The following SRCIN1 variants were observed in gnomAD, a reference collection of about 807,000 sequenced individuals.
The protein encoded by SRCIN1 is SRC kinase signaling inhibitor 1.
Under a neutral mutation model 116.2 loss-of-function variants are expected in SRCIN1, and 50 were observed. That is an observed-to-expected ratio of 0.43 (90% confidence interval 0.34 to 0.54). SRCIN1 has a LOEUF of 0.54. Ranked by LOEUF, SRCIN1 falls within the 20% of genes least tolerant of loss-of-function variation. The probability of loss-of-function intolerance (pLI) is 0.02; values close to 1 mark genes in which losing one functional copy is unlikely to be tolerated. For missense variants in SRCIN1, 1,446 were observed against 1,672.0 expected, an observed-to-expected ratio of 0.86 and a Z score of 2.36; for synonymous variants, 736 against 750.0, an observed-to-expected ratio of 0.98 and a Z score of 0.30.
In SRCIN1 at chr17:38,605,699, T is replaced by C; in HGVS notation, c.7A>G (p.Asn3Asp). The C allele has an allele frequency of 4.5e-6, 5 of 1,122,910 alleles. No individual in the cohort carries two copies. Among genetic ancestry groups the C allele is most frequent in the African/African-American group, 1.7e-5 (1 of 59,320 alleles). 69.6% of individuals were successfully genotyped at this position (1,122,910 alleles called of 1,614,324 possible). A position where few individuals can be genotyped will look rare whatever the true frequency, so the allele number is the denominator to read the frequency against. Residue 3 changes from asparagine (N) to aspartate (D), a missense_variant, in exon 1 of 19, where the codon AAC becomes GAC. Asn to Asp is a conservative substitution (Grantham distance 23, BLOSUM62 1). This residue lies in a region of SRCIN1 where 246 missense variants were observed against 265.1 expected (regional missense o/e 0.93). Transcript: ENST00000617146. MGNAPSQDPERSS... is the reference protein window; with the variant it reads MGDAPSQDPERSS... ...AGGGACATGCCTTGGGACGGAGCGT[T>C]CCCCATCGGGCGGGGGCGCGGGGGG...
intron 18 of SRCIN1, among the ~76,000 whole-genome samples, chr17:38,537,495 A>AAAT: frequency 6.6e-6 from 1 of 151,546 alleles, no homozygotes; most frequent in South Asian, 2.1e-4. Context: ...CCTATCTCAA[A>AAAT]AATAATAATA....
chr17:38,602,637 G>T lies in SRCIN1; in HGVS notation c.22+3047C>A, dbSNP rs1221874072. 6.6e-6 allele frequency: 1 copy of T among 152,250 alleles called. No individual in the cohort carries two copies. Among genetic ancestry groups the T allele is most frequent in the Non-Finnish European group, 1.5e-5 (1 of 68,058 alleles). 9.4% of individuals were successfully genotyped at this position (152,250 alleles called of 1,614,324 possible). ...TCTGTGTCCCTCTCTGGGCCTCAAG[G>T]ACATAAATGAAGAAAGAAAACAGAT... is the stretch of plus-strand genomic sequence containing the variant. On this transcript the variant is annotated intron_variant, in intron 1 of 18. Transcript: ENST00000617146. The surrounding 1 kb of genome is among the most constrained non-coding windows in gnomAD (Gnocchi z 4.2).
chr17:38,565,898 G>GCCGC (rs1906651657), intron 3 of SRCIN1, among the ~76,000 whole-genome samples: 1 of 152,176 alleles, frequency 6.6e-6, no homozygotes, highest in African/African-American at 2.4e-5. Context: ...GTAGGGAGGG[G>GCCGC]CCGCTTGTGC....
In SRCIN1 at chr17:38,578,487, C is replaced by T. The variant is rs771378477; in HGVS notation, c.324+3G>A. 1.3e-6 allele frequency: 2 copies of T among 1,580,500 alleles called. No individual in the cohort carries two copies. Among genetic ancestry groups the T allele is most frequent in the Non-Finnish European group, 1.7e-6 (2 of 1,156,916 alleles). On this transcript the variant is annotated splice_donor_region_variant and intron_variant, in intron 2 of 18. Coordinates refer to ENST00000617146, the MANE Select transcript of SRCIN1 (RefSeq NM_025248.3). Reference sequence around the variant, plus strand: ...CCGCAGCCGCAGCCGGGAGCCCACTCACCTGCTCTCGCATCCTGTCCTGCT... The same window carrying T: ...CCGCAGCCGCAGCCGGGAGCCCACTTACCTGCTCTCGCATCCTGTCCTGCT...
upstream of SRCIN1, chr17:38,606,008 G>A (rs1388908950): frequency 7.0e-6 from 1 of 143,760 alleles, no homozygotes; most frequent in African/African-American, 2.5e-5. This position sits in a 1 kb window ranked among gnomAD's most constrained non-coding sequence, Gnocchi z 5.2. Context: ...CGCGCGGCGC[G>A]GGCGCGCGCG....
At chr17:38,599,469 C>T (rs965925553) in intron 1 of SRCIN1, among the ~76,000 whole-genome samples, 5 of 152,180 alleles carry the variant, frequency 3.3e-5, no homozygotes, top group Middle Eastern at 3.2e-3. Flanking sequence ...TGAAAGGTCA[C>T]GCTGACCAGT....
At chr17:38,591,482 C>G (rs936772112) in intron 1 of SRCIN1, among the ~76,000 whole-genome samples, 5 of 152,198 alleles carry the variant, frequency 3.3e-5, no homozygotes, top group Admixed American at 3.3e-4. Context: ...CAGAACTGCT[C>G]TAATGGTCCA....
intron 1 of SRCIN1, among the ~76,000 whole-genome samples, chr17:38,594,906 A>G (rs764681517): frequency 5.9e-5 from 9 of 152,082 alleles, no homozygotes; most frequent in Non-Finnish European, 1.0e-4. Context: ...CAGCCTCAGG[A>G]GCAGCCTAAT....
At chr17:38,548,805 G>T in intron 16 of SRCIN1, 96 bp from the exon 17 acceptor site, 1 of 1,424,626 alleles carries the variant, frequency 7.0e-7, no homozygotes, top group Non-Finnish European at 9.2e-7. Flanking sequence ...CCAGCTTCTC[G>T]TCTGCTACTT....
intron 1 of SRCIN1, among the ~76,000 whole-genome samples, chr17:38,595,278 C>A (rs927549990): frequency 6.6e-6 from 1 of 152,032 alleles, no homozygotes; most frequent in Admixed American, 6.6e-5. Context: ...AGTGCGGTGG[C>A]GCAATCTCGG....
intron 2 of SRCIN1, among the ~76,000 whole-genome samples, chr17:38,573,888 A>G (rs1045706163): frequency 6.6e-6 from 1 of 152,240 alleles, no homozygotes; most frequent in Non-Finnish European, 1.5e-5. Flanking sequence ...GAACTGGGAA[A>G]GAAATTGGGC....
At position 38,550,276 on chromosome 17, in the gene SRCIN1, C is replaced by T. The variant is rs565254241; in HGVS notation, c.2962+879G>A. 4.3e-3 allele frequency among the ~76,000 whole-genome samples: 657 copies of T among 152,230 alleles called. 4 individuals are homozygous for T. Among genetic ancestry groups the T allele is most frequent in the Non-Finnish European group, 7.2e-3 (492 of 68,012 alleles). ...TTGGGAGGCCAAGGTGGGCGGATCA[C>T]GAGGTCAGGAGATCGAGACCATCCT... On this transcript the variant is annotated intron_variant, in intron 15 of 18. Coordinates refer to ENST00000617146, the MANE Select transcript of SRCIN1 (RefSeq NM_025248.3).
At chr17:38,560,144 G>A (rs752123299) in intron 8 of SRCIN1, 47 bp from the exon 9 acceptor site, 275 of 1,506,256 alleles carry the variant, frequency 1.8e-4, no homozygotes, top group Non-Finnish European at 2.4e-4. Context: ...GCCAGCCCCA[G>A]ACCTTCAGAG....
At chr17:38,581,675 C>T (rs755334155) in intron 1 of SRCIN1, among the ~76,000 whole-genome samples, 12 of 152,088 alleles carry the variant, frequency 7.9e-5, no homozygotes, top group Non-Finnish European at 1.8e-4. Flanking sequence ...GATGGTAATT[C>T]GTGAAATAGA....
intron 2 of SRCIN1, among the ~76,000 whole-genome samples, chr17:38,571,765 C>T (rs76120469): frequency 0.011 from 1,648 of 152,284 alleles, 36 homozygotes; most frequent in African/African-American, 0.037. Context: ...CTAGGGACCA[C>T]GCTGTGAGAA....
rs1482943390 is a variant in SRCIN1 at position 38,548,587 on chromosome 17, A to G, written c.3240T>C (p.Asp1080=). 1 of 1,612,710 alleles carries G rather than the reference A, an allele frequency of 6.2e-7. No homozygotes were observed. Among genetic ancestry groups the G allele is most frequent in the Non-Finnish European group, 8.5e-7 (1 of 1,179,792 alleles). The change falls in exon 17 of 19, where the codon GAT becomes GAC. Residue 1080 remains aspartate (D), a synonymous_variant. Coordinates refer to ENST00000617146, the MANE Select transcript of SRCIN1 (RefSeq NM_025248.3). Reference sequence around the variant, plus strand: ...GCTCTGCGATGATGCGATCCTCGTCATCCTCGTCCTTGATGGCCGAGGCCA... The same window carrying G: ...GCTCTGCGATGATGCGATCCTCGTCGTCCTCGTCCTTGATGGCCGAGGCCA... ...PIMASAIKDE[D]DEDRIIAELE...
rs1567864941 is a variant in SRCIN1 at position 38,561,785 on chromosome 17, G to GGCC, written c.1375_1377dup (p.Gly459dup). 4 of 1,485,528 alleles carry GGCC rather than the reference G, an allele frequency of 2.7e-6. No individual in the cohort carries two copies. In the South Asian group the frequency reaches 5.1e-5, roughly 19 times the overall value. The allele number at this position is 1,485,528 out of a possible 1,614,324, so 92.0% of individuals were successfully genotyped here. A position where few individuals can be genotyped will look rare whatever the true frequency, so the allele number is the denominator to read the frequency against. ...AAGCCGTAGCCGTCGCCGTACAGCG[G>GGCC]GCCGCCGCCGCCCGCCGCCTTGTAC... On this transcript the variant is annotated inframe_insertion, in exon 7 of 19. Coordinates refer to ENST00000617146, the MANE Select transcript of SRCIN1 (RefSeq NM_025248.3).
At chr17:38,551,521 G>A (rs1349918484) in intron 14 of SRCIN1, 132 bp from the exon 15 acceptor site, 14 of 810,160 alleles carry the variant, frequency 1.7e-5, no homozygotes, top group Non-Finnish European at 2.7e-5. Flanking sequence ...CCACCTCCAG[G>A]AAGACACTTT....
In SRCIN1 at chr17:38,585,871, G is replaced by A. The variant is rs1310218942; in HGVS notation, c.23-7080C>T. On this transcript the variant is annotated intron_variant, in intron 1 of 18. Coordinates refer to ENST00000617146, the MANE Select transcript of SRCIN1 (RefSeq NM_025248.3). The surrounding 1 kb of genome is among the most constrained non-coding windows in gnomAD (Gnocchi z 4.2). ...GGCGATGGGGGGAAGGAGGCAGCTGGACTGAGGATTGGAGACAGGGGGCTC... is the reference window on the plus strand; with the variant it reads ...GGCGATGGGGGGAAGGAGGCAGCTGAACTGAGGATTGGAGACAGGGGGCTC... Among the ~76,000 whole-genome samples, 1 of 152,174 alleles carries A rather than the reference G, an allele frequency of 6.6e-6. No homozygotes were observed. The highest frequency in any genetic ancestry group is 1.9e-4 in the East Asian group (1 of 5,200).
Sources: allele counts gnomAD v4.1 joint callset (sites outside exome capture counted in the v4.1 genomes callset), GRCh38; gene constraint gnomAD v4.1.1; regional missense constraint gnomAD v4.1.1; non-coding constraint Gnocchi (gnomAD v3.1); transcripts MANE v1.5; gene names NCBI Gene and HGNC (gene_info 2026-07-23, HGNC 2026-07-21).